The following OPA1 variants were observed in gnomAD, a reference collection of about 807,000 sequenced individuals.
The protein encoded by OPA1 is OPA1 mitochondrial dynamin like GTPase.
In OPA1, 59 loss-of-function variants were observed where a neutral mutation model predicts 152.9. The ratio of observed to expected loss-of-function variants is 0.39; its 90% CI spans 0.31 to 0.48. The LOEUF is 0.48. OPA1 is among the 20% of genes least tolerant of loss of function. OPA1 has a pLI of 0.96. For synonymous variants in OPA1, 400 were observed against 389.9 expected (o/e 1.03, Z -0.31); for missense variants, 1,008 against 1,216.8 (o/e 0.83, Z 2.55).
Position 193,616,172 on chromosome 3 carries a change from C to T in OPA1, c.448+402C>T, listed in dbSNP as rs281804. 6.2e-3 allele frequency among the ~76,000 whole-genome samples: 948 copies of T among 152,120 alleles called. 4 individuals carry two copies. The highest frequency in any genetic ancestry group is 9.3e-3 in the Non-Finnish European group (633 of 68,004). ...GACTACATGTGTGTGCCACCATGCC[C>T]GACTGATTTTTTAATTTCTTGTAGA... On this transcript the variant is annotated intron_variant, in intron 3 of 30. Coordinates refer to ENST00000361510, the MANE Select transcript of OPA1 (RefSeq NM_130837.3).
intron 21 of OPA1, 128 bp from the exon 22 acceptor site, chr3:193,654,734 C>T (rs1273834144): frequency 2.2e-6 from 2 of 927,558 alleles, no homozygotes; most frequent in East Asian, 2.6e-5. Context: ...CAGGTATATA[C>T]ACATGTGAAA....
chr3:193,601,124 GGAGGTCT>G, intron 1 of OPA1, among the ~76,000 whole-genome samples: 1 of 152,048 alleles, frequency 6.6e-6, no homozygotes, highest in African/African-American at 2.4e-5. Context: ...TGAAACCCTG[GGAGGTCT>G]GATTGGCTAC....
intron 29 of OPA1, among the ~76,000 whole-genome samples, chr3:193,689,433 G>A (rs1448245443): frequency 6.6e-6 from 1 of 151,910 alleles, no homozygotes; most frequent in African/African-American, 2.4e-5. Flanking sequence ...AATATTTAAG[G>A]GAAATTCGGC....
At chr3:193,684,596 G>A (rs983644106) in intron 29 of OPA1, among the ~76,000 whole-genome samples, 10 of 151,222 alleles carry the variant, frequency 6.6e-5, no homozygotes, top group East Asian at 1.9e-4. Flanking sequence ...GATTACAGGC[G>A]CCCGCCACTA....
chr3:193,648,917 A>G (rs781592938), intron 21 of OPA1, 46 bp downstream of exon 21: 25 of 1,246,742 alleles, frequency 2.0e-5, no homozygotes, highest in Non-Finnish European at 3.0e-5. Context: ...TTTACTGTAC[A>G]GGTTATAATG....
chr3:193,650,333 G>GA (rs1302865679), intron 21 of OPA1, among the ~76,000 whole-genome samples: 13 of 152,256 alleles, frequency 8.5e-5, no homozygotes, highest in African/African-American at 3.1e-4. Flanking sequence ...TGTGTTTTCA[G>GA]ACTGTAGAGG....
chr3:193,690,146 G>GC (rs1721467341), intron 29 of OPA1, among the ~76,000 whole-genome samples: 1 of 151,578 alleles, frequency 6.6e-6, no homozygotes, highest in African/African-American at 2.4e-5. Flanking sequence ...ATGGAAGTCA[G>GC]CCTACCAAAA....
chr3:193,677,381 A>G (rs557758926), intron 29 of OPA1, among the ~76,000 whole-genome samples: 3 of 148,774 alleles, frequency 2.0e-5, no homozygotes, highest in Non-Finnish European at 4.4e-5. Context: ...GCAGCCTTGA[A>G]CTCCTGGGCT....
At chr3:193,691,938 G>C (rs1721741150) in intron 29 of OPA1, 125 bp from the exon 30 acceptor site, 1 of 634,080 alleles carries the variant, frequency 1.6e-6, no homozygotes, top group Admixed American at 2.6e-5. Context: ...AAGGTGGTAT[G>C]GTGAGACTCA....
intron 29 of OPA1, among the ~76,000 whole-genome samples, chr3:193,691,006 G>GGA (rs1300982317): frequency 1.3e-5 from 2 of 152,122 alleles, no homozygotes; most frequent in African/African-American, 4.8e-5. Context: ...TTGAGCCCAG[G>GGA]TGTTCAGGAC....
chr3:193,600,606 G>T (rs764587127), intron 1 of OPA1, among the ~76,000 whole-genome samples: 1 of 152,158 alleles, frequency 6.6e-6, no homozygotes, highest in Non-Finnish European at 1.5e-5. Flanking sequence ...AGCAGTATTG[G>T]GGTCTGATTG....
At chr3:193,637,815 T>C (rs1316998097) in intron 10 of OPA1, 137 bp from the exon 11 acceptor site, 7 of 752,434 alleles carry the variant, frequency 9.3e-6, no homozygotes, top group Middle Eastern at 2.7e-4. Context: ...ATCACCATTT[T>C]TTTACGGATT....
At chr3:193,597,889 C>A (rs533375795) in intron 1 of OPA1, among the ~76,000 whole-genome samples, 3 of 151,826 alleles carry the variant, frequency 2.0e-5, no homozygotes, top group Non-Finnish European at 4.4e-5. Context: ...CCAGCCTAGG[C>A]AACATAGCAA....
At position 193,666,327 on chromosome 3, in the gene OPA1, G is replaced by A; in HGVS notation, c.2810G>A (p.Arg937His). Residue 937 changes from arginine (R) to histidine (H), a missense_variant, in exon 28 of 31, where the codon CGT (arginine) becomes CAT (histidine). Arg to His is a conservative substitution (Grantham distance 29). This residue lies in a region of OPA1 where 137 missense variants were observed against 171.0 expected (regional missense o/e 0.80). Coordinates refer to ENST00000361510, the MANE Select transcript of OPA1 (RefSeq NM_130837.3). ...TGCAATGATGTGGTCTTGTTTTGGC[G>A]TATACAGCGCATGCTTGCTATCACC... ...LECNDVVLFWRIQRMLAITAN... is the reference protein window; with the variant it reads ...LECNDVVLFWHIQRMLAITAN... 1.2e-6 allele frequency: 2 copies of A among 1,613,882 alleles called. No individual in the cohort carries two copies. Among genetic ancestry groups the A allele is most frequent in the East Asian group, 2.2e-5 (1 of 44,888 alleles).
chr3:193,637,275 GC>G lies in OPA1; in HGVS notation c.1031del (p.Pro344HisfsTer19). ...CCAGTTATAATACGCAAGATCATCT[GC>G]CACGGGTATGTGAAAAATTGATAGT... ...DASYNTQDHL[P>X]RVVVVGDQSA... On this transcript the variant is annotated frameshift_variant, in exon 10 of 31. Transcript: ENST00000361510. LOFTEE classifies it high-confidence loss of function. The G allele has an allele frequency of 6.2e-7, 1 of 1,602,904 alleles. No individual in the cohort carries two copies. The highest frequency in any genetic ancestry group is 8.5e-7 in the Non-Finnish European group (1 of 1,171,164).
chr3:193,628,781 T>G (rs1369380619), intron 7 of OPA1, among the ~76,000 whole-genome samples: 1 of 152,250 alleles, frequency 6.6e-6, no homozygotes, highest in Non-Finnish European at 1.5e-5. Context: ...TAGCTTGTGT[T>G]ATTCTCTTAA....
At position 193,615,564 on chromosome 3, in the gene OPA1, A is replaced by C; in HGVS notation, c.352-110A>C. The C allele has an allele frequency of 5.3e-6, 4 of 759,830 alleles. No homozygotes were observed. In the South Asian group the frequency reaches 5.9e-5, roughly 11 times the overall value. 47.1% of individuals were successfully genotyped at this position (759,830 alleles called of 1,614,324 possible). A position where few individuals can be genotyped will look rare whatever the true frequency, so the allele number is the denominator to read the frequency against. On this transcript the variant is annotated intron_variant, in intron 2 of 30. Coordinates refer to ENST00000361510, the MANE Select transcript of OPA1 (RefSeq NM_130837.3). ...TTAATTTTGTTTCTTAAAAGTTTTG[A>C]ACATAATACATTATTCTTAGTAGAT...
chr3:193,606,153 G>A (rs1226200584), intron 1 of OPA1, among the ~76,000 whole-genome samples: 2 of 152,058 alleles, frequency 1.3e-5, no homozygotes, highest in African/African-American at 2.4e-5. Flanking sequence ...CAGTGCCCTG[G>A]TTGTTTGCAA....
At chr3:193,673,747 G>T (rs1718421114) in intron 29 of OPA1, among the ~76,000 whole-genome samples, 1 of 152,182 alleles carries the variant, frequency 6.6e-6, no homozygotes, top group African/African-American at 2.4e-5. Context: ...TGTGAGAGAA[G>T]ATATACTTTA....
Sources: allele counts gnomAD v4.1 joint callset (sites outside exome capture counted in the v4.1 genomes callset), GRCh38; gene constraint gnomAD v4.1.1; regional missense constraint gnomAD v4.1.1; transcripts MANE v1.5; gene names NCBI Gene and HGNC (gene_info 2026-07-23, HGNC 2026-07-21).